STT3B: variants seen among roughly 807,000 people sequenced by gnomAD.
STT3B encodes STT3 oligosaccharyltransferase complex catalytic subunit B.
In STT3B, 29 loss-of-function variants were observed where a neutral mutation model predicts 96.8. The observed-to-expected ratio is 0.30, with a 90% CI of 0.22 to 0.41. STT3B has a LOEUF of 0.41. STT3B is among the 10% of genes least tolerant of loss of function. The pLI is 1.00. For missense variants in STT3B, 640 were observed against 1,022.3 expected (o/e 0.63, Z 5.10); for synonymous variants, 367 against 360.0 (o/e 1.02, Z -0.22).
chr3:31,629,489 GATA>G, intron 14 of STT3B, 78 bp downstream of exon 14: 1 of 713,886 alleles, frequency 1.4e-6, no homozygotes, highest in Non-Finnish European at 2.3e-6. Flanking sequence ...TAGAAAACAG[GATA>G]ATGATATTTT....
chr3:31,591,674 T>C (rs1037913365), intron 3 of STT3B, among the ~76,000 whole-genome samples: 5 of 152,128 alleles, frequency 3.3e-5, no homozygotes, highest in African/African-American at 9.6e-5. Context: ...TGTGCTGTTA[T>C]TGTCGTATGT....
At chr3:31,625,248 T>TA (rs1026959771) in intron 12 of STT3B, among the ~76,000 whole-genome samples, 163 bp downstream of exon 12, 5 of 152,214 alleles carry the variant, frequency 3.3e-5, no homozygotes, top group African/African-American at 1.2e-4. Flanking sequence ...AAGGTGTGCT[T>TA]ATTTTGTTTT....
At position 31,609,787 on chromosome 3, in the gene STT3B, G is replaced by T. The variant is rs1302476327; in HGVS notation, c.878-5318G>T. ...TTTTTGTATTTTTAGTGGAGATGGG[G>T]TTTCACCGTGTTGGGCAGGCTGGTC... On this transcript the variant is annotated intron_variant, in intron 5 of 15. Transcript: ENST00000295770. 2.6e-4 allele frequency among the ~76,000 whole-genome samples: 39 copies of T among 151,942 alleles called. 1 individual carries two copies. Among genetic ancestry groups the T allele is most frequent in the Admixed American group, 2.5e-3 (38 of 15,254 alleles).
At chr3:31,545,747 G>T (rs1559359344) in intron 1 of STT3B, among the ~76,000 whole-genome samples, 1 of 151,162 alleles carries the variant, frequency 6.6e-6, no homozygotes, top group Non-Finnish European at 1.5e-5. Flanking sequence ...TGTCCACCCT[G>T]CAGCCCAGAG....
intron 10 of STT3B, 123 bp downstream of exon 10, chr3:31,622,431 C>CT: frequency 1.2e-6 from 1 of 835,358 alleles, no homozygotes; most frequent in Non-Finnish European, 1.9e-6. Context: ...TGTGACTTTT[C>CT]TAGTTGGTCT....
chr3:31,599,010 A>T (rs552318747), intron 4 of STT3B, among the ~76,000 whole-genome samples: 2 of 151,986 alleles, frequency 1.3e-5, no homozygotes, highest in Non-Finnish European at 2.9e-5. Context: ...GGATTTCTCC[A>T]TGTGGTCAGA....
chr3:31,568,977 T>C (rs1001904918), intron 1 of STT3B, among the ~76,000 whole-genome samples: 9 of 152,172 alleles, frequency 5.9e-5, no homozygotes, highest in African/African-American at 1.9e-4. Context: ...AAGTTCTATT[T>C]AAGCTGAGTT....
At chr3:31,565,577 A>G (rs1214943564) in intron 1 of STT3B, among the ~76,000 whole-genome samples, 1 of 152,228 alleles carries the variant, frequency 6.6e-6, no homozygotes, top group Non-Finnish European at 1.5e-5. Flanking sequence ...GAATTGGTTA[A>G]TATAAGAAGT....
chr3:31,549,667 TTATA>T (rs955102784), intron 1 of STT3B, among the ~76,000 whole-genome samples: 5 of 152,188 alleles, frequency 3.3e-5, no homozygotes, highest in Admixed American at 6.5e-5. Flanking sequence ...GAAATCCTCT[TTATA>T]TAGTATAATG....
At chr3:31,610,210 CT>C (rs1699152815) in intron 5 of STT3B, among the ~76,000 whole-genome samples, 1 of 152,026 alleles carries the variant, frequency 6.6e-6, no homozygotes, top group African/African-American at 2.4e-5. Flanking sequence ...AATAAAATAT[CT>C]TTAGTATTCA....
At chr3:31,599,113 A>G (rs1191868400) in intron 4 of STT3B, among the ~76,000 whole-genome samples, 6 of 152,116 alleles carry the variant, frequency 3.9e-5, no homozygotes, top group Non-Finnish European at 5.9e-5. Flanking sequence ...CCAGCCACCT[A>G]CATATTTTTT....
At chr3:31,618,288 T>TACCTAAC (rs1345418641) in intron 8 of STT3B, among the ~76,000 whole-genome samples, 3 of 1,318 alleles carry the variant, frequency 2.3e-3, no homozygotes, top group African/African-American at 3.3e-3. Context: ...ATTTGTCTTT[T>TACCTAAC]ATAACATTTT....
chr3:31,559,100 CTT>C (rs1297041346), intron 1 of STT3B, among the ~76,000 whole-genome samples: 1 of 125,844 alleles, frequency 7.9e-6, no homozygotes, highest in Non-Finnish European at 1.7e-5. Flanking sequence ...TTTTTTAAAT[CTT>C]TTCAAAAGAA....
At chr3:31,539,153 A>G (rs1188756566) in intron 1 of STT3B, among the ~76,000 whole-genome samples, 1 of 152,130 alleles carries the variant, frequency 6.6e-6, no homozygotes, top group Non-Finnish European at 1.5e-5. Context: ...GTTTTGGAAT[A>G]TAATGTGTAC....
At chr3:31,560,648 G>GACGTC (rs1697854392) in intron 1 of STT3B, among the ~76,000 whole-genome samples, 1 of 151,862 alleles carries the variant, frequency 6.6e-6, no homozygotes, top group Admixed American at 6.6e-5. Flanking sequence ...CTTTATAAGT[G>GACGTC]ACTAGACTCT....
chr3:31,571,512 T>C (rs984462692), intron 1 of STT3B, among the ~76,000 whole-genome samples: 1 of 152,144 alleles, frequency 6.6e-6, no homozygotes, highest in African/African-American at 2.4e-5. Context: ...AAAACAGCCA[T>C]GTTTTATATC....
intron 5 of STT3B, among the ~76,000 whole-genome samples, chr3:31,606,433 T>C (rs1699055642): frequency 6.6e-6 from 1 of 152,192 alleles, no homozygotes; most frequent in African/African-American, 2.4e-5. Context: ...GAGTTTTGCC[T>C]AGGGACTTGG....
rs72856075 is a variant in STT3B at position 31,610,036 on chromosome 3, T to C, written c.878-5069T>C. On this transcript the variant is annotated intron_variant, in intron 5 of 15. Transcript: ENST00000295770. ...GTCCTTGGAAAAGAGAAATGATTTT[T>C]ATCATTATGTATGCCTGTTAAGTTA... 2.6e-3 allele frequency among the ~76,000 whole-genome samples: 401 copies of C among 152,340 alleles called. 2 individuals carry two copies. Among genetic ancestry groups the C allele is most frequent in the African/African-American group, 9.5e-3 (393 of 41,570 alleles).
At chr3:31,559,802 A>T (rs933174046) in intron 1 of STT3B, among the ~76,000 whole-genome samples, 1 of 152,084 alleles carries the variant, frequency 6.6e-6, no homozygotes, top group African/African-American at 2.4e-5. Context: ...GTCCCCAACT[A>T]TTATTGTATT....
Sources: allele counts gnomAD v4.1 joint callset (sites outside exome capture counted in the v4.1 genomes callset), GRCh38; gene constraint gnomAD v4.1.1; transcripts MANE v1.5; gene names NCBI Gene and HGNC (gene_info 2026-07-23, HGNC 2026-07-21).